Variants in KCND2 observed in about 807,000 individuals in gnomAD.
KCND2 encodes the protein potassium voltage-gated channel subfamily D member 2.
KCND2 carries 16 observed loss-of-function variants against 54.4 expected under a neutral mutation model. The ratio of observed to expected loss-of-function variants is 0.29; its 90% CI spans 0.20 to 0.45. The LOEUF (loss-of-function observed/expected upper bound fraction) is 0.45. KCND2 is among the 20% of genes least tolerant of loss of function. The pLI is 1.00. For synonymous variants in KCND2, 317 were observed against 310.7 expected, an observed-to-expected ratio of 1.02 and a Z score of -0.21; for missense variants, 486 against 824.2, an observed-to-expected ratio of 0.59 and a Z score of 5.02.
chr7:120,461,345 ATTAC>A (rs1201617979), intron 1 of KCND2, among the ~76,000 whole-genome samples: 1 of 152,156 alleles, frequency 6.6e-6, no homozygotes, highest in African/African-American at 2.4e-5. Flanking sequence ...GCAAATTATA[ATTAC>A]TTCTTTTTTC....
intron 1 of KCND2, among the ~76,000 whole-genome samples, chr7:120,709,211 G>A (rs771749845): frequency 1.3e-5 from 2 of 151,974 alleles, no homozygotes; most frequent in African/African-American, 4.8e-5. Flanking sequence ...CTTGACTTGT[G>A]ATATTTTTAT....
chr7:120,531,501 C>A (rs1584815740), intron 1 of KCND2, among the ~76,000 whole-genome samples: 1 of 152,188 alleles, frequency 6.6e-6, no homozygotes, highest in East Asian at 1.9e-4. Flanking sequence ...GTAACACTCC[C>A]CATCTTAGAA....
At chr7:120,331,062 G>A (rs1584733504) in intron 1 of KCND2, among the ~76,000 whole-genome samples, 1 of 152,036 alleles carries the variant, frequency 6.6e-6, no homozygotes, top group Non-Finnish European at 1.5e-5. Flanking sequence ...CATTGTGTAA[G>A]ATTTCAAAAC....
intron 1 of KCND2, among the ~76,000 whole-genome samples, chr7:120,407,085 C>A (rs1801372182): frequency 6.6e-6 from 1 of 150,978 alleles, no homozygotes; most frequent in Non-Finnish European, 1.5e-5. Context: ...CTATAATACA[C>A]CTTCATGGCG....
chr7:120,503,667 A>C (rs1802970895), intron 1 of KCND2, among the ~76,000 whole-genome samples: 1 of 151,900 alleles, frequency 6.6e-6, no homozygotes, highest in East Asian at 1.9e-4. Context: ...ATAATTCCTC[A>C]GTATCCTCTA....
intron 1 of KCND2, among the ~76,000 whole-genome samples, chr7:120,599,866 A>G (rs1792792783): frequency 6.6e-6 from 1 of 151,864 alleles, no homozygotes; most frequent in Non-Finnish European, 1.5e-5. Context: ...TTTTTGCATT[A>G]TTTCTGATTA....
intron 1 of KCND2, among the ~76,000 whole-genome samples, chr7:120,684,280 T>G (rs967483257): frequency 1.3e-5 from 2 of 152,144 alleles, no homozygotes; most frequent in Admixed American, 1.3e-4. Context: ...CACATTGTAT[T>G]TCAGTGCCTT....
intron 1 of KCND2, among the ~76,000 whole-genome samples, chr7:120,279,903 A>G (rs1283285775): frequency 2.6e-5 from 4 of 151,930 alleles, no homozygotes; most frequent in Non-Finnish European, 4.4e-5. Context: ...ACCTGTCAGT[A>G]TTCTGATTAT....
chr7:120,536,584 T>C (rs532354070), intron 1 of KCND2, among the ~76,000 whole-genome samples: 1 of 152,332 alleles, frequency 6.6e-6, no homozygotes, highest in South Asian at 2.1e-4. Context: ...AAAGCCTTTG[T>C]TGTCATTGCA....
rs890223201 is a variant in KCND2 at position 120,335,870 on chromosome 7, A to G, written c.1115+60123A>G. 1.2e-4 allele frequency among the ~76,000 whole-genome samples: 19 copies of G among 152,346 alleles called. No homozygotes were observed. In the South Asian group the frequency reaches 3.5e-3, roughly 28 times the overall value. On this transcript the variant is annotated intron_variant, in intron 1 of 5. Coordinates refer to ENST00000331113, the MANE Select transcript of KCND2 (RefSeq NM_012281.3). ...TGCCATTTACAAGTAAAACTTCACC[A>G]AACTTTTTACACTAGAAACACAGAT...
intron 1 of KCND2, among the ~76,000 whole-genome samples, chr7:120,295,892 T>C (rs1799507117): frequency 6.6e-6 from 1 of 152,056 alleles, no homozygotes; most frequent in Non-Finnish European, 1.5e-5. Context: ...CCCCTCTATC[T>C]ACAGTCTTAC....
chr7:120,559,197 A>G (rs558569241), intron 1 of KCND2, among the ~76,000 whole-genome samples: 5 of 152,342 alleles, frequency 3.3e-5, no homozygotes, highest in Admixed American at 2.0e-4. Flanking sequence ...AATGATAATC[A>G]TACCACTACC....
chr7:120,447,687 A>T (rs1802036771), intron 1 of KCND2, among the ~76,000 whole-genome samples: 1 of 152,174 alleles, frequency 6.6e-6, no homozygotes, highest in Non-Finnish European at 1.5e-5. Flanking sequence ...AATTTCTAAG[A>T]CATTTTACAT....
At chr7:120,659,440 C>T (rs1007102917) in intron 1 of KCND2, among the ~76,000 whole-genome samples, 7 of 152,170 alleles carry the variant, frequency 4.6e-5, no homozygotes, top group Non-Finnish European at 1.0e-4. Context: ...ACGGCAATAT[C>T]AAAGCCACCA....
chr7:120,726,189 G>A (rs905470838), intron 1 of KCND2, among the ~76,000 whole-genome samples: 2 of 152,142 alleles, frequency 1.3e-5, no homozygotes, highest in African/African-American at 2.4e-5. Flanking sequence ...GGCAAGAGAG[G>A]TGGAGACAAA....
At chr7:120,317,209 C>T (rs1245421676) in intron 1 of KCND2, among the ~76,000 whole-genome samples, 1 of 152,048 alleles carries the variant, frequency 6.6e-6, no homozygotes, top group East Asian at 1.9e-4. Flanking sequence ...ATATATCAAA[C>T]TTCTTCAATA....
intron 1 of KCND2, among the ~76,000 whole-genome samples, chr7:120,359,968 C>T (rs1800570147): frequency 6.6e-6 from 1 of 152,080 alleles, no homozygotes; most frequent in Admixed American, 6.6e-5. Flanking sequence ...GACTGCTCAG[C>T]AATAAAACTG....
At chr7:120,727,418 G>T (rs1792747042) in intron 1 of KCND2, among the ~76,000 whole-genome samples, 1 of 152,176 alleles carries the variant, frequency 6.6e-6, no homozygotes. Context: ...ATAGATGGAT[G>T]AATGGATGCA....
At chr7:120,592,418 A>G (rs1792683596) in intron 1 of KCND2, among the ~76,000 whole-genome samples, 1 of 151,950 alleles carries the variant, frequency 6.6e-6, no homozygotes, top group African/African-American at 2.4e-5. Flanking sequence ...CGTGGTGGTG[A>G]TCCCAGCTAC....
Sources: allele counts gnomAD v4.1 joint callset (sites outside exome capture counted in the v4.1 genomes callset), GRCh38; gene constraint gnomAD v4.1.1; transcripts MANE v1.5; gene names NCBI Gene and HGNC (gene_info 2026-07-23, HGNC 2026-07-21).